PALLD: variants seen among roughly 807,000 people sequenced by gnomAD.
PALLD encodes palladin, cytoskeletal associated protein, also known as palladin.
A neutral mutation model predicts 123.5 loss-of-function variants in PALLD; 61 were observed. The ratio of observed to expected loss-of-function variants is 0.49; its 90% confidence interval spans 0.40 to 0.61. PALLD has a LOEUF of 0.61. PALLD is among the 20% of genes least tolerant of loss of function. The pLI is 0.00. For missense variants in PALLD, 1,273 were observed against 1,377.0 expected (o/e 0.92, Z 1.20); for synonymous variants, 465 against 496.4 (o/e 0.94, Z 0.84).
chr4:168,774,209 C>T (rs1734846220), intron 10 of PALLD, among the ~76,000 whole-genome samples: 1 of 151,978 alleles, frequency 6.6e-6, no homozygotes. Flanking sequence ...TTGTACTTGC[C>T]TCAGAAGCCA....
chr4:168,757,622 G>T (rs1732070851), intron 10 of PALLD, among the ~76,000 whole-genome samples: 1 of 152,190 alleles, frequency 6.6e-6, no homozygotes. Context: ...TCTGTAATTA[G>T]ACCTCATGGC....
At chr4:168,649,035 A>G (rs1168918805) in intron 2 of PALLD, 1 of 152,234 alleles carries the variant, frequency 6.6e-6, no homozygotes, top group African/African-American at 2.4e-5. Context: ...TACTTCTTCA[A>G]GAGTCACTTC....
chr4:168,709,599 G>T (rs1183704032), intron 9 of PALLD, among the ~76,000 whole-genome samples: 404 of 6,202 alleles, frequency 0.065, 162 homozygotes, highest in African/African-American at 0.14. Context: ...AGGGAGGGAG[G>T]GAGGGAGGGA....
At chr4:168,851,082 C>T (rs1201293536) in intron 10 of PALLD, among the ~76,000 whole-genome samples, 1 of 152,074 alleles carries the variant, frequency 6.6e-6, no homozygotes, top group East Asian at 1.9e-4. Context: ...CTACAGTCTC[C>T]CTTCTTGTCT....
intron 10 of PALLD, among the ~76,000 whole-genome samples, chr4:168,821,937 G>A (rs1271301072): frequency 1.3e-5 from 2 of 149,136 alleles, no homozygotes; most frequent in African/African-American, 5.0e-5. Context: ...TCAATAGACT[G>A]TTGTTGAAGC....
At chr4:168,841,840 C>T (rs747410388) in intron 10 of PALLD, among the ~76,000 whole-genome samples, 26 of 152,216 alleles carry the variant, frequency 1.7e-4, no homozygotes, top group Non-Finnish European at 3.5e-4. Flanking sequence ...TTTCCTGTCA[C>T]CATAGCAGTC....
rs754137504 is a variant in PALLD, at chr4:168,512,397, C to G, written c.893C>G (p.Pro298Arg). 5.6e-6 allele frequency: 9 copies of G among 1,613,218 alleles called. No homozygotes were observed. In the African/African-American group the frequency reaches 1.2e-4, roughly 22 times the overall value. The change falls in exon 2 of 22, where the codon CCC becomes CGC. Residue 298 changes from proline (P) to arginine (R), a missense_variant. Around this residue, in one of 2 missense-constraint regions of PALLD, gnomAD observed 944 missense variants for 954.5 expected, o/e 0.99. Transcript: ENST00000505667. ...VYLECRVTGN[P>R]TPRVRWFCEG... is the part of the protein sequence containing the mutation. ...CTGGAGTGTAGAGTCACTGGAAACC[C>G]CACTCCTCGAGTCAGGTATGAATTT...
intron 2 of PALLD, among the ~76,000 whole-genome samples, chr4:168,618,227 G>T (rs1184910854): frequency 1.3e-5 from 2 of 152,158 alleles, no homozygotes; most frequent in Non-Finnish European, 2.9e-5. Context: ...TGCCTCAGAT[G>T]ATAACTGAGA....
intron 10 of PALLD, among the ~76,000 whole-genome samples, chr4:168,865,709 G>A (rs1750167519): frequency 6.6e-6 from 1 of 152,106 alleles, no homozygotes; most frequent in South Asian, 2.1e-4. Context: ...AGATGGAACA[G>A]CATAACAGAT....
chr4:168,639,834 G>A (rs955710375), intron 2 of PALLD, among the ~76,000 whole-genome samples: 7 of 152,190 alleles, frequency 4.6e-5, no homozygotes, highest in East Asian at 3.8e-4. Flanking sequence ...GTGAGCCACC[G>A]TGCCCGGCCT....
rs553990914 is a variant in PALLD at position 168,631,789 on chromosome 4, C to G, written c.909-36401C>G. 5.7e-5 allele frequency: 56 copies of G among 985,476 alleles called. No individual in the cohort carries two copies. In the African/African-American group the frequency reaches 8.9e-4, roughly 16 times the overall value. 61.0% of individuals were successfully genotyped at this position (985,476 alleles called of 1,614,324 possible). On this transcript the variant is annotated intron_variant, in intron 2 of 21. Transcript: ENST00000505667. ...AATTTTCTCCGTTGCATTCTGCAAA[C>G]GAGATCGCATTCAGAGCCCAGAAGT...
chr4:168,529,704 A>G (rs150800200), intron 2 of PALLD, among the ~76,000 whole-genome samples: 48 of 152,368 alleles, frequency 3.2e-4, no homozygotes, highest in African/African-American at 1.1e-3. Flanking sequence ...CAGACAGAAG[A>G]CAATTACAAA....
chr4:168,729,285 C>T (rs757588076), intron 10 of PALLD, among the ~76,000 whole-genome samples: 1 of 152,056 alleles, frequency 6.6e-6, no homozygotes, highest in Non-Finnish European at 1.5e-5. Flanking sequence ...CCAACCTCAG[C>T]CTCCTGAGTA....
intron 2 of PALLD, among the ~76,000 whole-genome samples, chr4:168,515,607 G>C (rs1762916818): frequency 6.6e-6 from 1 of 152,218 alleles, no homozygotes; most frequent in Admixed American, 6.5e-5. Flanking sequence ...TTGGCGGTTG[G>C]CCAATGGAAA....
At chr4:168,817,234 C>G (rs1318262439) in intron 10 of PALLD, among the ~76,000 whole-genome samples, 1 of 152,116 alleles carries the variant, frequency 6.6e-6, no homozygotes, top group Non-Finnish European at 1.5e-5. Flanking sequence ...CAATAATAAG[C>G]ATGCTTTTGT....
At chr4:168,668,446 G>A (rs1779865780) in intron 3 of PALLD, 78 bp downstream of exon 3, 1 of 1,221,718 alleles carries the variant, frequency 8.2e-7, no homozygotes, top group African/African-American at 1.5e-5. Flanking sequence ...GCATGCAAAT[G>A]TGCCTTTCCA....
At chr4:168,573,189 A>C (rs1177614574) in intron 2 of PALLD, among the ~76,000 whole-genome samples, 1 of 151,514 alleles carries the variant, frequency 6.6e-6, no homozygotes, top group Non-Finnish European at 1.5e-5. Context: ...TCTTTTTCCT[A>C]GATCTTCTCA....
chr4:168,512,449 G>A (rs1762608540), intron 2 of PALLD, 37 bp downstream of exon 2: 2 of 1,556,034 alleles, frequency 1.3e-6, no homozygotes, highest in Non-Finnish European at 1.8e-6. Flanking sequence ...AAATGATCTT[G>A]TTGACTTTGG....
At chr4:168,498,307 G>C (rs569553553) in intron 1 of PALLD, among the ~76,000 whole-genome samples, 30 of 151,982 alleles carry the variant, frequency 2.0e-4, no homozygotes, top group Admixed American at 2.6e-4. Flanking sequence ...TGTATCCCAG[G>C]GGTTCTGTGT....
Sources: gnomAD v4.1 joint callset for allele counts (sites outside exome capture counted in the v4.1 genomes callset) on GRCh38, gnomAD v4.1.1 for gene constraint, gnomAD v4.1.1 regional missense constraint, MANE v1.5 for transcripts, NCBI Gene and HGNC (gene_info 2026-07-23, HGNC 2026-07-21) for gene names.